Variants in NAALADL2 observed in about 807,000 individuals in gnomAD.
NAALADL2 encodes the protein N-acetylated alpha-linked acidic dipeptidase like 2, also known as inactive N-acetylated-alpha-linked acidic dipeptidase-like protein 2.
In NAALADL2, 76 loss-of-function variants were observed where a neutral mutation model predicts 87.2. The observed-to-expected ratio is 0.87, with a 90% CI of 0.72 to 1.05. NAALADL2 has a LOEUF of 1.05. Ranked by LOEUF, NAALADL2 falls within the 50% of genes least tolerant of loss-of-function variation. The pLI, the probability that NAALADL2 is intolerant of heterozygous loss-of-function variation, is 0.00. For missense variants in NAALADL2, 1,089 were observed against 945.8 expected (o/e 1.15, Z -1.99); for synonymous variants, 354 against 331.0 (o/e 1.07, Z -0.75).
intron 11 of NAALADL2, among the ~76,000 whole-genome samples, chr3:175,645,923 G>A (rs1031234740): frequency 3.3e-5 from 5 of 152,114 alleles, no homozygotes; most frequent in Non-Finnish European, 4.4e-5. Flanking sequence ...GCATCAGACA[G>A]TAGAGCTACT....
At chr3:174,509,300 A>G (rs113965091) in intron 1 of NAALADL2, among the ~76,000 whole-genome samples, 1 of 152,018 alleles carries the variant, frequency 6.6e-6, no homozygotes, top group African/African-American at 2.4e-5. Flanking sequence ...TCAGGCTGCT[A>G]TAAAAGAATA....
At chr3:175,580,300 AAGT>A (rs1202944828) in intron 10 of NAALADL2, among the ~76,000 whole-genome samples, 2 of 152,152 alleles carry the variant, frequency 1.3e-5, no homozygotes, top group Non-Finnish European at 2.9e-5. Flanking sequence ...AAAGTAATAA[AAGT>A]AGTTCATTTG....
intron 4 of NAALADL2, among the ~76,000 whole-genome samples, chr3:175,286,175 A>C (rs903184382): frequency 1.3e-5 from 2 of 152,230 alleles, no homozygotes; most frequent in Admixed American, 1.3e-4. Flanking sequence ...TGCCATATTA[A>C]GTGGTGTAAA....
intron 3 of NAALADL2, among the ~76,000 whole-genome samples, chr3:174,762,030 A>G (rs1430081931): frequency 6.6e-6 from 1 of 152,058 alleles, no homozygotes; most frequent in Admixed American, 6.5e-5. Context: ...TGGTATGTTC[A>G]ATGTCATGCC....
chr3:174,839,515 G>A (rs542550697), intron 3 of NAALADL2, among the ~76,000 whole-genome samples: 44 of 152,166 alleles, frequency 2.9e-4, no homozygotes, highest in Middle Eastern at 3.4e-3. Context: ...AAACTAAAGA[G>A]CTTTTGCATG....
At chr3:175,680,783 T>A (rs893565745) in intron 11 of NAALADL2, among the ~76,000 whole-genome samples, 1 of 152,182 alleles carries the variant, frequency 6.6e-6, no homozygotes, top group African/African-American at 2.4e-5. Flanking sequence ...AAGAATCATA[T>A]TATGTGACAT....
In NAALADL2 at chr3:175,442,019, G is replaced by A. The variant is rs575104069; in HGVS notation, c.1091-5210G>A. On this transcript the variant is annotated intron_variant, in intron 5 of 13. Transcript: ENST00000454872. The stretch of plus-strand genomic sequence containing the variant: ...TGCAGTGGTGCAATCTCAGCTCACT[G>A]CAACTTCCGCCTCCCAGATTCAAGC... Among the ~76,000 whole-genome samples the A allele has an allele frequency of 2.0e-5, 3 of 152,174 alleles. No individual in the cohort carries two copies. In the South Asian group the frequency reaches 6.2e-4, roughly 32 times the overall value.
At chr3:175,397,531 G>T (rs912524055) in intron 5 of NAALADL2, among the ~76,000 whole-genome samples, 1 of 152,152 alleles carries the variant, frequency 6.6e-6, no homozygotes, top group Non-Finnish European at 1.5e-5. Flanking sequence ...CTAGGGACAG[G>T]AAGGCTGAGC....
intron 9 of NAALADL2, among the ~76,000 whole-genome samples, chr3:175,557,850 T>C (rs1272640462): frequency 6.6e-6 from 1 of 152,158 alleles, no homozygotes; most frequent in Non-Finnish European, 1.5e-5. Flanking sequence ...TTAATGATAT[T>C]GAGCACCTTT....
intron 5 of NAALADL2, among the ~76,000 whole-genome samples, chr3:175,423,003 C>A (rs1715973452): frequency 8.3e-6 from 1 of 120,890 alleles, no homozygotes; most frequent in Non-Finnish European, 1.6e-5. Context: ...AAAGAGATGG[C>A]TCCCAGGTCC....
In NAALADL2 at chr3:175,160,347, G is replaced by A. The variant is rs1235195661; in HGVS notation, c.545+63056G>A. On this transcript the variant is annotated intron_variant, in intron 2 of 13. Coordinates refer to ENST00000454872, the MANE Select transcript of NAALADL2 (RefSeq NM_207015.3). ...AATTTTAAAAATATATATTATATGT[G>A]TATCTTTTCTTTCTTTTTTTTTTTT... 3.8e-5 allele frequency among the ~76,000 whole-genome samples: 4 copies of A among 106,016 alleles called. No individual in the cohort carries two copies. The East Asian group carries it at 1.2e-3, about 31-fold the overall frequency. The allele number at this position is 106,016 out of a possible 152,430, so 69.6% of individuals were successfully genotyped here. A position where few individuals can be genotyped will look rare whatever the true frequency, so the allele number is the denominator to read the frequency against.
chr3:175,281,861 G>A (rs1754350766), intron 4 of NAALADL2, among the ~76,000 whole-genome samples: 1 of 151,738 alleles, frequency 6.6e-6, no homozygotes, highest in Admixed American at 6.6e-5. Flanking sequence ...CTTCTTCTCT[G>A]TCACTTAACA....
chr3:175,718,195 G>GTGTTTTTTTTT, intron 11 of NAALADL2: 1 of 822,738 alleles, frequency 1.2e-6, no homozygotes, highest in Non-Finnish European at 1.7e-6. Context: ...AGGGCCTGTG[G>GTGTTTTTTTTT]TTTTTTTTTT....
At chr3:174,920,942 T>C (rs1735092231) in intron 1 of NAALADL2, among the ~76,000 whole-genome samples, 1 of 152,186 alleles carries the variant, frequency 6.6e-6, no homozygotes, top group Non-Finnish European at 1.5e-5. Context: ...GGTAGAACTC[T>C]CAGAACACGG....
At chr3:175,633,355 T>C (rs1360261796) in intron 11 of NAALADL2, among the ~76,000 whole-genome samples, 1 of 152,100 alleles carries the variant, frequency 6.6e-6, no homozygotes, top group African/African-American at 2.4e-5. Context: ...TATATTTTAT[T>C]ATCACTTTCT....
At chr3:174,628,129 T>G (rs941106398) in intron 2 of NAALADL2, among the ~76,000 whole-genome samples, 1 of 152,146 alleles carries the variant, frequency 6.6e-6, no homozygotes, top group Non-Finnish European at 1.5e-5. Flanking sequence ...AAAGAAAGCT[T>G]AATTCCTCAA....
chr3:175,412,891 T>TTTATTACTA (rs1713806161), intron 5 of NAALADL2, among the ~76,000 whole-genome samples: 1 of 123,012 alleles, frequency 8.1e-6, no homozygotes, highest in Non-Finnish European at 1.7e-5. Context: ...ATTTAATTTA[T>TTTATTACTA]TTATTATTAT....
At chr3:175,035,832 G>C (rs1753341837) in intron 1 of NAALADL2, among the ~76,000 whole-genome samples, 1 of 152,090 alleles carries the variant, frequency 6.6e-6, no homozygotes, top group African/African-American at 2.4e-5. Context: ...TGAAAATTCA[G>C]ATTCCTAAGT....
chr3:174,695,942 C>T (rs1395424460), intron 2 of NAALADL2, among the ~76,000 whole-genome samples: 1 of 151,970 alleles, frequency 6.6e-6, no homozygotes, highest in Non-Finnish European at 1.5e-5. Context: ...TATTGACATT[C>T]AGTGATCCTG....
Sources: allele counts gnomAD v4.1 joint callset (sites outside exome capture counted in the v4.1 genomes callset), GRCh38; gene constraint gnomAD v4.1.1; transcripts MANE v1.5; gene names NCBI Gene and HGNC (gene_info 2026-07-23, HGNC 2026-07-21).